The following SEPTIN8 variants were observed in gnomAD, a reference collection of about 807,000 sequenced individuals.
SEPTIN8 encodes septin 8.
In SEPTIN8, 22 loss-of-function variants were observed where a neutral mutation model predicts 53.1. The observed-to-expected ratio is 0.41, with a 90% CI of 0.30 to 0.59. The LOEUF (loss-of-function observed/expected upper bound fraction) is 0.59. Among genes scored for constraint, SEPTIN8 ranks in the 20% least tolerant of loss-of-function variants. The pLI is 0.24. For synonymous variants in SEPTIN8, 228 were observed against 248.4 expected, an observed-to-expected ratio of 0.92 and a Z score of 0.77; for missense variants, 536 against 638.7, an observed-to-expected ratio of 0.84 and a Z score of 1.73.
intron 1 of SEPTIN8, among the ~76,000 whole-genome samples, chr5:132,768,433 A>G (rs1756851112): frequency 6.6e-6 from 1 of 152,158 alleles, no homozygotes; most frequent in South Asian, 2.1e-4. Context: ...AACTCTCACT[A>G]ATGCCAACTC....
At chr5:132,769,347 C>T (rs932114336) in intron 1 of SEPTIN8, among the ~76,000 whole-genome samples, 23 of 152,212 alleles carry the variant, frequency 1.5e-4, no homozygotes, top group African/African-American at 5.5e-4. Flanking sequence ...CATTCAGTCA[C>T]TCAACACACA....
In SEPTIN8 at chr5:132,764,315, G is replaced by C; in HGVS notation, c.256C>G (p.Gln86Glu). 6.2e-7 allele frequency: 1 copy of C among 1,614,180 alleles called. No homozygotes were observed. The highest frequency in any genetic ancestry group is 8.5e-7 in the Non-Finnish European group (1 of 1,180,020). ...TTGCTCTCCTGGAGGTCATAGGTCT[G>C]GGGCCGCAGGCGCACGCATGCCTCA... ...HHEACVRLRPQTYDLQESNVQ... is the reference protein window; with the variant it reads ...HHEACVRLRPETYDLQESNVQ... Residue 86 changes from glutamine to glutamate, a missense_variant, in exon 3 of 10, where the codon CAG (glutamine) becomes GAG (glutamate). Around this residue, in one of 3 missense-constraint regions of SEPTIN8, gnomAD observed 395 missense variants for 451.8 expected, o/e 0.87. Coordinates refer to ENST00000378719, the MANE Select transcript of SEPTIN8 (RefSeq NM_001098811.2).
chr5:132,763,652 C>T (rs539445724), intron 4 of SEPTIN8, 54 bp downstream of exon 4: 145 of 1,536,678 alleles, frequency 9.4e-5, no homozygotes, highest in East Asian at 8.8e-4. Flanking sequence ...GCCACCACAT[C>T]GCATCGCAGC....
At chr5:132,777,269 C>T (rs1757897746), upstream of SEPTIN8, 1 of 1,121,642 alleles carries the variant, frequency 8.9e-7, no homozygotes. This position sits in a 1 kb window ranked among gnomAD's most constrained non-coding sequence, Gnocchi z 4.1. Context: ...CCTGGAAACT[C>T]CCCTTGGCGG....
Position 132,763,691 on chromosome 5 carries a change from T to G in SEPTIN8, c.534+15A>C. The G allele has an allele frequency of 6.2e-7, 1 of 1,609,588 alleles. No individual in the cohort carries two copies. The highest frequency in any genetic ancestry group is 1.7e-4 in the Middle Eastern group (1 of 6,054). ...AGACTATGGAGCCTGTGACAGCAGG[T>G]GGGGACAGGGATACCTTGCTGTCTA... is the stretch of plus-strand genomic sequence containing the variant. On this transcript the variant is annotated intron_variant, in intron 4 of 9. Coordinates refer to ENST00000378719, the MANE Select transcript of SEPTIN8 (RefSeq NM_001098811.2).
upstream of SEPTIN8, among the ~76,000 whole-genome samples, chr5:132,780,039 A>G (rs1350680506): frequency 6.6e-6 from 1 of 152,216 alleles, no homozygotes; most frequent in Non-Finnish European, 1.5e-5. Context: ...CTCATGGTCC[A>G]ATATGGTGAT....
intron 1 of SEPTIN8, among the ~76,000 whole-genome samples, chr5:132,772,894 C>T (rs968029742): frequency 6.6e-6 from 1 of 152,198 alleles, no homozygotes; most frequent in African/African-American, 2.4e-5. Flanking sequence ...CCTCAGAAAA[C>T]AGCCAGCCAC....
intron 9 of SEPTIN8, chr5:132,756,879 T>C: frequency 1.0e-6 from 1 of 985,444 alleles, no homozygotes; most frequent in Non-Finnish European, 1.2e-6. Context: ...TCTCATTTCT[T>C]ATGTATCCAA....
chr5:132,778,260 G>A (rs563188843), upstream of SEPTIN8: 4 of 195,266 alleles, frequency 2.0e-5, no homozygotes, highest in Admixed American at 6.5e-5. Context: ...ATCCCAGGTT[G>A]GTCCACCCTC....
intron 1 of SEPTIN8, among the ~76,000 whole-genome samples, chr5:132,775,114 G>A (rs181816079): frequency 8.7e-4 from 133 of 152,230 alleles, no homozygotes; most frequent in African/African-American, 3.0e-3. Context: ...CAGGCTCTAC[G>A]CCCTTGCCTG....
chr5:132,758,128 A>G, intron 9 of SEPTIN8: 1 of 1,024,138 alleles, frequency 9.8e-7, no homozygotes, highest in East Asian at 8.9e-5. Flanking sequence ...CCATCCATAA[A>G]GAAATGCCAA....
chr5:132,765,031 A>G (rs1000577754), intron 2 of SEPTIN8, among the ~76,000 whole-genome samples: 2 of 152,004 alleles, frequency 1.3e-5, no homozygotes, highest in Non-Finnish European at 2.9e-5. Flanking sequence ...CACTTACCAT[A>G]GGATATGGTG....
intron 1 of SEPTIN8, chr5:132,775,911 TG>T (rs1344201322): frequency 6.6e-6 from 1 of 152,146 alleles, no homozygotes; most frequent in African/African-American, 2.4e-5. Context: ...CCCTCTCCAA[TG>T]GGAATAAAAC....
chr5:132,769,092 A>T (rs1410124906), intron 1 of SEPTIN8, among the ~76,000 whole-genome samples: 1 of 152,082 alleles, frequency 6.6e-6, no homozygotes, highest in Non-Finnish European at 1.5e-5. Flanking sequence ...TGATACCAAC[A>T]CCTCACTGAG....
intron 9 of SEPTIN8, chr5:132,759,087 A>G (rs1755633912): frequency 1.6e-6 from 1 of 611,912 alleles, no homozygotes; most frequent in Non-Finnish European, 3.1e-6. Context: ...ACTCAAATAA[A>G]TGGTCATGAA....
chr5:132,757,657 A>C, intron 9 of SEPTIN8: 1 of 985,238 alleles, frequency 1.0e-6, no homozygotes, highest in Non-Finnish European at 1.2e-6. Flanking sequence ...CCTTCCTTTC[A>C]TTTAGTCATT....
intron 3 of SEPTIN8, 155 bp from the exon 4 acceptor site, chr5:132,764,047 G>A (rs1015484850): frequency 1.0e-6 from 1 of 956,362 alleles, no homozygotes; most frequent in Non-Finnish European, 1.5e-6. Context: ...ACAGGCAGCT[G>A]ACCCCTTCTC....
In SEPTIN8 at chr5:132,761,281, GA is replaced by G. The variant is rs781368101; in HGVS notation, c.963-17del. ...CTCTTGTAGGCTGTGGAGACCCAGA[GA>G]AAAGAGGCCAAGGATGGGATTATGA... is the stretch of plus-strand genomic sequence containing the variant. On this transcript the variant is annotated splice_polypyrimidine_tract_variant and intron_variant, in intron 7 of 9. Coordinates refer to ENST00000378719, the MANE Select transcript of SEPTIN8 (RefSeq NM_001098811.2). This position sits in a 1 kb window ranked among gnomAD's most constrained non-coding sequence, Gnocchi z 5.8. The G allele has an allele frequency of 6.2e-7, 1 of 1,612,596 alleles. No individual in the cohort carries two copies. The highest frequency in any genetic ancestry group is 1.7e-5 in the Admixed American group (1 of 60,020).
chr5:132,754,821 T>C (rs1755188950), intron 9 of SEPTIN8, among the ~76,000 whole-genome samples: 1 of 152,222 alleles, frequency 6.6e-6, no homozygotes, highest in African/African-American at 2.4e-5. Context: ...ATTTTCCTTT[T>C]GACCCCAGCT....
Sources: allele counts gnomAD v4.1 joint callset (sites outside exome capture counted in the v4.1 genomes callset), GRCh38; gene constraint gnomAD v4.1.1; regional missense constraint gnomAD v4.1.1; non-coding constraint Gnocchi (gnomAD v3.1); transcripts MANE v1.5; gene names NCBI Gene and HGNC (gene_info 2026-07-23, HGNC 2026-07-21).